ENPEP: variants seen among roughly 807,000 people sequenced by gnomAD.
ENPEP encodes the protein glutamyl aminopeptidase.
A neutral mutation model predicts 114.5 loss-of-function variants in ENPEP; 103 were observed. That is an observed-to-expected ratio of 0.90 (90% CI 0.77 to 1.06). ENPEP has a LOEUF of 1.06. Among genes scored for constraint, ENPEP ranks in the 50% least tolerant of loss-of-function variants. The pLI, the probability that ENPEP is intolerant of heterozygous loss-of-function variation, is 0.00. For synonymous variants in ENPEP, 420 were observed against 422.0 expected (o/e 1.00, Z 0.06); for missense variants, 1,196 against 1,161.3 (o/e 1.03, Z -0.43).
At chr4:110,555,571 G>T (rs1727439354) in intron 18 of ENPEP, among the ~76,000 whole-genome samples, 1 of 151,896 alleles carries the variant, frequency 6.6e-6, no homozygotes, top group Admixed American at 6.6e-5. Context: ...ATTATTCTTT[G>T]CTTTTGTTTC....
chr4:110,541,860 G>T (rs2110385969), intron 11 of ENPEP, among the ~76,000 whole-genome samples: 1 of 152,190 alleles, frequency 6.6e-6, no homozygotes, highest in East Asian at 1.9e-4. Flanking sequence ...AGTGTATGAT[G>T]TATGAACTGA....
chr4:110,478,936 T>C (rs1724211099), intron 1 of ENPEP, among the ~76,000 whole-genome samples: 1 of 152,244 alleles, frequency 6.6e-6, no homozygotes, highest in Admixed American at 6.5e-5. Flanking sequence ...GTCCTAAAAA[T>C]AGAATTGCTG....
intron 10 of ENPEP, among the ~76,000 whole-genome samples, chr4:110,521,380 A>G (rs1725982338): frequency 6.6e-6 from 1 of 151,782 alleles, no homozygotes; most frequent in African/African-American, 2.4e-5. Context: ...GCTCATCCCT[A>G]AAAATAATAA....
chr4:110,508,128 C>T (rs2110352027), intron 4 of ENPEP, among the ~76,000 whole-genome samples: 1 of 152,222 alleles, frequency 6.6e-6, no homozygotes, highest in Admixed American at 6.5e-5. Flanking sequence ...CTCTCCCCAA[C>T]TCCTTTATTC....
chr4:110,496,355 C>CA, intron 3 of ENPEP, among the ~76,000 whole-genome samples: 1 of 152,202 alleles, frequency 6.6e-6, no homozygotes, highest in South Asian at 2.1e-4. Flanking sequence ...TATTTTTAAA[C>CA]TTCTTATTTT....
intron 3 of ENPEP, among the ~76,000 whole-genome samples, chr4:110,502,782 A>T (rs538936079): frequency 6.6e-6 from 1 of 152,286 alleles, no homozygotes; most frequent in African/African-American, 2.4e-5. Context: ...ATTTTAAAAT[A>T]GTTTTTTTCT....
At chr4:110,544,916 GAA>G (rs1726996604) in intron 13 of ENPEP, among the ~76,000 whole-genome samples, 2 of 152,078 alleles carry the variant, frequency 1.3e-5, no homozygotes, top group East Asian at 3.9e-4. Context: ...AAACAAATTT[GAA>G]ATTCAAAACA....
chr4:110,509,773 TG>T lies in ENPEP; in HGVS notation c.1162del (p.Ala388ProfsTer17), dbSNP rs775400374. ...TCAGCCTCATCAAACCAACAGAGGG[TG>T]GCCACTGTGGTTGCCCATGAACTTG... Reference protein sequence around the residue: ...KESASSNQQRVATVVAHELVH... With the variant: ...KESASSNQQRXATVVAHELVH... On this transcript the variant is annotated frameshift_variant, in exon 5 of 20. Coordinates refer to ENST00000265162, the MANE Select transcript of ENPEP (RefSeq NM_001977.4). LOFTEE classifies it high-confidence loss of function. The T allele has an allele frequency of 1.2e-6, 2 of 1,613,840 alleles. No homozygotes were observed. Among genetic ancestry groups the T allele is most frequent in the South Asian group, 2.2e-5 (2 of 91,010 alleles).
At position 110,561,787 on chromosome 4, in the gene ENPEP, A is replaced by G. The variant is rs1727688970; in HGVS notation, c.*229A>G. On this transcript the variant is annotated 3_prime_UTR_variant, in exon 20 of 20. Coordinates refer to ENST00000265162, the MANE Select transcript of ENPEP (RefSeq NM_001977.4). ...CAGGGATTCCTTCTAAGTGTACTTC[A>G]TAAGATATTCTTTACAAACTGAAGA... 1 of 358,702 alleles carries G rather than the reference A, an allele frequency of 2.8e-6. No homozygotes were observed. Among genetic ancestry groups the G allele is most frequent in the Non-Finnish European group, 5.0e-6 (1 of 201,744 alleles). 22.2% of individuals were successfully genotyped at this position (358,702 alleles called of 1,614,324 possible).
intron 11 of ENPEP, 49 bp from the exon 12 acceptor site, chr4:110,542,702 G>T: frequency 6.5e-7 from 1 of 1,528,942 alleles, no homozygotes; most frequent in South Asian, 1.3e-5. Context: ...TCTCTGTGTT[G>T]ACAGTGCATG....
In ENPEP at chr4:110,553,346, A is replaced by G. The variant is rs376347849; in HGVS notation, c.2533A>G (p.Ile845Val). The change falls in exon 18 of 20, where the codon ATT becomes GTT. Residue 845 changes from isoleucine (I) to valine (V), a missense_variant. Coordinates refer to ENST00000265162, the MANE Select transcript of ENPEP (RefSeq NM_001977.4). ...GGATTTGCTCAAGGACACGAACCTT[A>G]TTAAAACTCAGGATGTGTTTACAGT... ...YLDLLKDTNL[I>V]KTQDVFTVIR... 2.0e-5 allele frequency: 32 copies of G among 1,605,194 alleles called. No homozygotes were observed. The African/African-American group carries it at 3.6e-4, about 18-fold the overall frequency.
intron 3 of ENPEP, among the ~76,000 whole-genome samples, chr4:110,495,193 A>G (rs781250181): frequency 2.4e-4 from 37 of 152,370 alleles, no homozygotes; most frequent in Non-Finnish European, 5.0e-4. Flanking sequence ...AGAACAATGT[A>G]CATTATAAAT....
At chr4:110,513,266 C>G in intron 6 of ENPEP, 149 bp from the exon 7 acceptor site, 1 of 829,028 alleles carries the variant, frequency 1.2e-6, no homozygotes, top group Admixed American at 3.3e-5. Flanking sequence ...TCAATCAGTG[C>G]AAAGTATGAT....
intron 11 of ENPEP, among the ~76,000 whole-genome samples, chr4:110,535,574 C>T (rs1268486171): frequency 6.6e-6 from 1 of 152,144 alleles, no homozygotes; most frequent in Non-Finnish European, 1.5e-5. Context: ...ACCAAACATA[C>T]AAGAGATTAA....
At position 110,549,354 on chromosome 4, in the gene ENPEP, C is replaced by G. The variant is rs1215549562; in HGVS notation, c.2160C>G (p.Phe720Leu). Reference sequence around the variant, plus strand: ...TAATACTTTTATTTCAGGAATACTTCCAAGGTCAAGTGAAGCCTATTGCAG... The same window carrying G: ...TAATACTTTTATTTCAGGAATACTTGCAAGGTCAAGTGAAGCCTATTGCAG... Reference protein sequence around the residue: ...KELYPMIEEYFQGQVKPIADS... With the variant: ...KELYPMIEEYLQGQVKPIADS... The change falls in exon 15 of 20, where the codon TTC (phenylalanine) becomes TTG (leucine). Residue 720 changes from phenylalanine to leucine, a missense_variant. Coordinates refer to ENST00000265162, the MANE Select transcript of ENPEP (RefSeq NM_001977.4). The G allele has an allele frequency of 1.9e-6, 3 of 1,612,524 alleles. No individual in the cohort carries two copies. In the African/African-American group the frequency reaches 4.0e-5, roughly 22 times the overall value.
At chr4:110,555,240 G>A (rs996866906) in intron 18 of ENPEP, among the ~76,000 whole-genome samples, 1 of 151,936 alleles carries the variant, frequency 6.6e-6, no homozygotes, top group Non-Finnish European at 1.5e-5. Flanking sequence ...ATAACCACAT[G>A]TCTAATACAC....
chr4:110,506,689 A>C lies in ENPEP; in HGVS notation c.971A>C (p.Asn324Thr), dbSNP rs897327471. 6.2e-7 allele frequency: 1 copy of C among 1,612,734 alleles called. No homozygotes were observed. The highest frequency in any genetic ancestry group is 1.1e-5 in the South Asian group (1 of 90,786). Residue 324 changes from asparagine (N) to threonine (T), a missense_variant, in exon 4 of 20, where the codon AAC becomes ACC. Coordinates refer to ENST00000265162, the MANE Select transcript of ENPEP (RefSeq NM_001977.4). The part of the protein sequence containing the change: ...EQKHTAEYAA[N>T]ITKSVFDYFE... ...AAGCACACAGCCGAATATGCTGCAA[A>C]CATAACTAAAAGTGTGTTTGATTAT...
intron 18 of ENPEP, among the ~76,000 whole-genome samples, chr4:110,555,961 T>G (rs1727453467): frequency 6.6e-6 from 1 of 152,050 alleles, no homozygotes; most frequent in African/African-American, 2.4e-5. Context: ...GGTGTACATA[T>G]TTTGTTCTGG....
At chr4:110,513,602 T>C (rs976546750) in intron 7 of ENPEP, 53 bp downstream of exon 7, 8 of 1,598,050 alleles carry the variant, frequency 5.0e-6, no homozygotes, top group African/African-American at 1.3e-5. Flanking sequence ...TGACTTTTCT[T>C]TTAGTGGATA....
Sources: allele counts gnomAD v4.1 joint callset (sites outside exome capture counted in the v4.1 genomes callset), GRCh38; gene constraint gnomAD v4.1.1; transcripts MANE v1.5; gene names NCBI Gene and HGNC (gene_info 2026-07-23, HGNC 2026-07-21).